The following LRFN5 variants were observed in gnomAD, a reference collection of about 807,000 sequenced individuals.
The protein encoded by LRFN5 is leucine-rich repeat and fibronectin type-III domain-containing protein 5.
In LRFN5, 24 loss-of-function variants were observed where a neutral mutation model predicts 45.6. The observed-to-expected ratio is 0.53, with a 90% confidence interval of 0.38 to 0.74. The LOEUF (loss-of-function observed/expected upper bound fraction) is 0.74, where lower values mean the gene tolerates loss of function less well. Ranked by LOEUF, LRFN5 falls within the 30% of genes least tolerant of loss-of-function variation. The pLI is 0.00. For missense variants in LRFN5, 776 were observed against 861.5 expected (o/e 0.90, Z 1.24); for synonymous variants, 340 against 313.8 (o/e 1.08, Z -0.88).
chr14:41,824,964 T>C (rs1168705622), intron 2 of LRFN5, among the ~76,000 whole-genome samples: 1 of 152,160 alleles, frequency 6.6e-6, no homozygotes, highest in East Asian at 1.9e-4. Context: ...GACTCTCTGT[T>C]CAGAGAGATA....
chr14:41,876,518 A>C (rs529955161), intron 2 of LRFN5, among the ~76,000 whole-genome samples: 6 of 149,914 alleles, frequency 4.0e-5, no homozygotes, highest in African/African-American at 1.5e-4. Context: ...GGATGGTCTC[A>C]ATCTCCTGAC....
intron 2 of LRFN5, among the ~76,000 whole-genome samples, chr14:41,826,972 A>AAAATAATTAATTATT (rs1888319703): frequency 6.6e-6 from 1 of 150,578 alleles, no homozygotes; most frequent in Non-Finnish European, 1.5e-5. Flanking sequence ...TTTGATTCAC[A>AAAATAATTAATTATT]TTGAGTAAAA....
chr14:41,734,158 C>T (rs1473868880), intron 1 of LRFN5, among the ~76,000 whole-genome samples: 22 of 143,320 alleles, frequency 1.5e-4, no homozygotes, highest in East Asian at 2.1e-4. Context: ...TCTGAGTAGC[C>T]GGGATTACAG....
intron 1 of LRFN5, among the ~76,000 whole-genome samples, chr14:41,751,382 G>T (rs72668808): frequency 6.6e-6 from 1 of 151,708 alleles, no homozygotes; most frequent in African/African-American, 2.4e-5. Context: ...TCACAAATTA[G>T]AATATATTGA....
intron 2 of LRFN5, among the ~76,000 whole-genome samples, chr14:41,864,748 A>G (rs1889782939): frequency 1.3e-5 from 2 of 152,116 alleles, no homozygotes. Context: ...TACATATACT[A>G]CATTAGTGTT....
At chr14:41,764,963 A>T (rs1439928803) in intron 1 of LRFN5, among the ~76,000 whole-genome samples, 1 of 152,126 alleles carries the variant, frequency 6.6e-6, no homozygotes, top group Non-Finnish European at 1.5e-5. Flanking sequence ...ACCAGCTAAG[A>T]TTACGCTTAT....
intron 1 of LRFN5, among the ~76,000 whole-genome samples, chr14:41,717,648 C>T (rs1359752310): frequency 6.6e-6 from 1 of 152,162 alleles, no homozygotes; most frequent in Non-Finnish European, 1.5e-5. Flanking sequence ...TATTCTGTAA[C>T]TTATGGTCAG....
At chr14:41,889,236 T>A (rs1230532021) in intron 3 of LRFN5, among the ~76,000 whole-genome samples, 1 of 151,780 alleles carries the variant, frequency 6.6e-6, no homozygotes, top group Non-Finnish European at 1.5e-5. Flanking sequence ...AGAGTAATTT[T>A]TTTTTAAAGC....
At chr14:41,899,405 G>C (rs1176112930) in intron 5 of LRFN5, among the ~76,000 whole-genome samples, 1 of 152,112 alleles carries the variant, frequency 6.6e-6, no homozygotes, top group Non-Finnish European at 1.5e-5. Flanking sequence ...GTGTTTCACT[G>C]TTATCTAAAA....
At chr14:41,702,657 G>T (rs1262396621) in intron 1 of LRFN5, among the ~76,000 whole-genome samples, 1 of 151,622 alleles carries the variant, frequency 6.6e-6, no homozygotes, top group African/African-American at 2.4e-5. Flanking sequence ...TTGAGATGGG[G>T]TTTTGTTGTG....
At chr14:41,892,124 T>C in intron 4 of LRFN5, 162 bp downstream of exon 4, 1 of 985,394 alleles carries the variant, frequency 1.0e-6, no homozygotes. Flanking sequence ...TCAGTCTGAC[T>C]GTTCTGATGG....
chr14:41,767,195 G>C (rs1387171605), intron 2 of LRFN5, among the ~76,000 whole-genome samples, 166 bp downstream of exon 2: 5 of 151,410 alleles, frequency 3.3e-5, no homozygotes, highest in African/African-American at 1.2e-4. Context: ...ATTTTTTGGA[G>C]ATTCAATGTC....
At chr14:41,708,882 T>C in intron 1 of LRFN5, among the ~76,000 whole-genome samples, 1 of 152,020 alleles carries the variant, frequency 6.6e-6, no homozygotes, top group East Asian at 1.9e-4. Flanking sequence ...ACATTGTGTC[T>C]GGTTTATCTT....
chr14:41,865,474 A>G (rs1037709267), intron 2 of LRFN5, among the ~76,000 whole-genome samples: 6 of 152,198 alleles, frequency 3.9e-5, no homozygotes, highest in Non-Finnish European at 7.3e-5. Flanking sequence ...TCATCAGCCG[A>G]TAGACATTTG....
intron 1 of LRFN5, among the ~76,000 whole-genome samples, chr14:41,628,373 G>A (rs984483367): frequency 2.0e-5 from 3 of 151,984 alleles, no homozygotes; most frequent in Admixed American, 6.6e-5. Context: ...ATTGCTAAAC[G>A]TCTTCCTGTT....
intron 1 of LRFN5, among the ~76,000 whole-genome samples, chr14:41,763,253 G>A (rs1885743283): frequency 1.3e-5 from 2 of 152,184 alleles, no homozygotes; most frequent in South Asian, 4.1e-4. Context: ...GGTCACAGTT[G>A]TGATTTCAGC....
At chr14:41,818,088 TTAAA>T (rs1198531408) in intron 2 of LRFN5, among the ~76,000 whole-genome samples, 1 of 152,194 alleles carries the variant, frequency 6.6e-6, no homozygotes, top group East Asian at 1.9e-4. Context: ...TCTGGAAATG[TTAAA>T]TTATTACTTA....
chr14:41,799,784 G>C (rs940707768), intron 2 of LRFN5, among the ~76,000 whole-genome samples: 6 of 151,910 alleles, frequency 3.9e-5, no homozygotes, highest in Admixed American at 6.6e-5. Flanking sequence ...AGGAAGTGTG[G>C]CTCTTGCTGC....
At position 41,891,850 on chromosome 14, in the gene LRFN5, T is replaced by C. The variant is rs1890796540; in HGVS notation, c.1986T>C (p.Asn662=). ...STEPQNEAVT[N]VESQNTNRNN... is the part of the protein sequence containing the mutation. ...AACCACAGAATGAAGCCGTCACAAATGTTGAATCCCAAAACACTAACAGGA... is the reference window on the plus strand; with the variant it reads ...AACCACAGAATGAAGCCGTCACAAACGTTGAATCCCAAAACACTAACAGGA... Residue 662 remains asparagine (N), a synonymous_variant, in exon 4 of 6, where the codon AAT becomes AAC. Transcript: ENST00000298119. The C allele has an allele frequency of 6.2e-7, 1 of 1,614,184 alleles. No homozygotes were observed. The highest frequency in any genetic ancestry group is 2.2e-5 in the East Asian group (1 of 44,876).
Sources: gnomAD v4.1 joint callset for allele counts (sites outside exome capture counted in the v4.1 genomes callset) on GRCh38, gnomAD v4.1.1 for gene constraint, MANE v1.5 for transcripts, NCBI Gene and HGNC (gene_info 2026-07-23, HGNC 2026-07-21) for gene names.